The following GRIK4 variants were observed in gnomAD, a reference collection of about 807,000 sequenced individuals.
GRIK4 encodes the protein glutamate receptor ionotropic, kainate 4.
GRIK4 carries 40 observed loss-of-function variants against 104.9 expected under a neutral mutation model. The observed-to-expected ratio is 0.38, with a 90% CI of 0.30 to 0.50. GRIK4 has a LOEUF of 0.50. Ranked by LOEUF, GRIK4 falls within the 20% of genes least tolerant of loss-of-function variation. The probability of loss-of-function intolerance (pLI) is 0.93; values close to 1 mark genes in which losing one functional copy is unlikely to be tolerated. For synonymous variants in GRIK4, 485 were observed against 524.9 expected, an observed-to-expected ratio of 0.92 and a Z score of 1.04; for missense variants, 1,047 against 1,308.1, an observed-to-expected ratio of 0.80 and a Z score of 3.08.
Position 120,892,873 on chromosome 11 carries a change from C to A in GRIK4, c.1165-5659C>A, listed in dbSNP as rs979699092. Among the ~76,000 whole-genome samples the A allele has an allele frequency of 2.6e-5, 4 of 152,266 alleles. 1 individual carries two copies. The South Asian group carries it at 8.3e-4, about 32-fold the overall frequency. On this transcript the variant is annotated intron_variant, in intron 11 of 20. Transcript: ENST00000527524. Reference sequence around the variant, plus strand: ...TCCTTAAAATTCTTTCAAGCTTGGTCCCTGGCTGCTCTACCCAGGGGTCCT... The same window carrying A: ...TCCTTAAAATTCTTTCAAGCTTGGTACCTGGCTGCTCTACCCAGGGGTCCT...
At chr11:120,882,530 G>A (rs1170859311) in intron 11 of GRIK4, among the ~76,000 whole-genome samples, 3 of 152,182 alleles carry the variant, frequency 2.0e-5, no homozygotes, top group African/African-American at 7.2e-5. Context: ...ACTTCGAGAC[G>A]GCAGATCCGG....
At position 120,593,883 on chromosome 11, in the gene GRIK4, G is replaced by A. The variant is rs142260666; in HGVS notation, c.-158-59802G>A. Among the ~76,000 whole-genome samples the A allele has an allele frequency of 6.9e-3, 1,046 of 152,084 alleles. 15 individuals carry two copies. Among genetic ancestry groups the A allele is most frequent in the African/African-American group, 0.023 (963 of 41,472 alleles). On this transcript the variant is annotated intron_variant, in intron 1 of 20. Coordinates refer to ENST00000527524, the MANE Select transcript of GRIK4 (RefSeq NM_014619.5). ...AATGGGAGTCATTCCTGATCTCTCC[G>A]TTCTCTCACTCTCCACATCCCATAC...
intron 3 of GRIK4, among the ~76,000 whole-genome samples, chr11:120,797,184 G>A (rs1235758439): frequency 6.6e-6 from 1 of 152,162 alleles, no homozygotes; most frequent in Non-Finnish European, 1.5e-5. Flanking sequence ...CCGGGTCTCT[G>A]AACGCATCTC....
Position 120,520,264 on chromosome 11 carries a change from C to T in GRIK4, c.-159+8377C>T, listed in dbSNP as rs148651634. Among the ~76,000 whole-genome samples the T allele has an allele frequency of 2.0e-3, 299 of 152,308 alleles. 3 individuals carry two copies. Among genetic ancestry groups the T allele is most frequent in the African/African-American group, 6.8e-3 (284 of 41,570 alleles). ...GGAGGCCAATGCTCATTTCCAGAAC[C>T]GGCACCCTCAAGCCCCAGTCCCAGC... On this transcript the variant is annotated intron_variant, in intron 1 of 20. Transcript: ENST00000527524.
chr11:120,975,320 T>C (rs925429383), intron 19 of GRIK4, among the ~76,000 whole-genome samples: 1 of 152,200 alleles, frequency 6.6e-6, no homozygotes, highest in Non-Finnish European at 1.5e-5. Flanking sequence ...GTGGTTATCC[T>C]GGTTCTCTGG....
chr11:120,758,629 G>A (rs1951693062), intron 3 of GRIK4, among the ~76,000 whole-genome samples: 1 of 152,194 alleles, frequency 6.6e-6, no homozygotes. Flanking sequence ...TTATTTAGGT[G>A]TTACACCTGG....
At chr11:120,583,354 G>C (rs1183831059) in intron 1 of GRIK4, among the ~76,000 whole-genome samples, 1 of 152,104 alleles carries the variant, frequency 6.6e-6, no homozygotes, top group African/African-American at 2.4e-5. Flanking sequence ...TTTAGTTTAA[G>C]TAGTTTCCAT....
At chr11:120,796,582 G>A (rs1952522471) in intron 3 of GRIK4, among the ~76,000 whole-genome samples, 1 of 152,130 alleles carries the variant, frequency 6.6e-6, no homozygotes, top group Admixed American at 6.5e-5. Flanking sequence ...GCCTGAGGGA[G>A]AGAAGAGCCC....
chr11:120,879,924 C>T (rs1385476880), intron 11 of GRIK4, among the ~76,000 whole-genome samples: 1 of 152,202 alleles, frequency 6.6e-6, no homozygotes, highest in African/African-American at 2.4e-5. Flanking sequence ...TCATAAGGCC[C>T]TTAATATCCT....
chr11:120,890,503 A>G (rs1237603979), intron 11 of GRIK4, among the ~76,000 whole-genome samples: 1 of 152,214 alleles, frequency 6.6e-6, no homozygotes, highest in Non-Finnish European at 1.5e-5. Flanking sequence ...CCTTAAGGTC[A>G]AGACAAGATA....
At position 120,555,223 on chromosome 11, in the gene GRIK4, A is replaced by G. The variant is rs1270723073; in HGVS notation, c.-159+43336A>G. Among the ~76,000 whole-genome samples, 6 of 152,154 alleles carry G rather than the reference A, an allele frequency of 3.9e-5. No individual in the cohort carries two copies. Among genetic ancestry groups the G allele is most frequent in the African/African-American group, 7.2e-5 (3 of 41,422 alleles). On this transcript the variant is annotated intron_variant, in intron 1 of 20. Transcript: ENST00000527524. The surrounding 1 kb of genome is among the most constrained non-coding windows in gnomAD (Gnocchi z 5.3). ...GAGGCGGCATGCCCCAGAGAGCCCTATGCTTTTTGCTGGCTGTCCAAAAGC... is the reference window on the plus strand; with the variant it reads ...GAGGCGGCATGCCCCAGAGAGCCCTGTGCTTTTTGCTGGCTGTCCAAAAGC...
chr11:120,635,686 G>A (rs769980498), intron 1 of GRIK4, among the ~76,000 whole-genome samples: 4 of 152,252 alleles, frequency 2.6e-5, no homozygotes, highest in Non-Finnish European at 5.9e-5. Flanking sequence ...AGGTCACCAG[G>A]TGATTCAGGA....
intron 3 of GRIK4, among the ~76,000 whole-genome samples, chr11:120,764,169 G>C (rs1305012925): frequency 6.6e-6 from 1 of 152,132 alleles, no homozygotes; most frequent in Non-Finnish European, 1.5e-5. Flanking sequence ...AGCTCTTCTT[G>C]TTGCATTGAT....
chr11:120,748,381 T>G (rs1951484570), intron 3 of GRIK4, among the ~76,000 whole-genome samples: 1 of 151,996 alleles, frequency 6.6e-6, no homozygotes, highest in Middle Eastern at 3.2e-3. Context: ...CCTTGAAACC[T>G]CTCCTTGATG....
chr11:120,972,528 AAGAG>A (rs1944492131), intron 19 of GRIK4, among the ~76,000 whole-genome samples: 1 of 152,188 alleles, frequency 6.6e-6, no homozygotes, highest in African/African-American at 2.4e-5. Flanking sequence ...AGTGAAAAAA[AAGAG>A]AAAGAAATAG....
intron 3 of GRIK4, among the ~76,000 whole-genome samples, chr11:120,771,397 T>A (rs1951939799): frequency 6.6e-6 from 1 of 152,204 alleles, no homozygotes; most frequent in Non-Finnish European, 1.5e-5. Flanking sequence ...ATATAGAAGG[T>A]CTAACTTGTG....
chr11:120,525,683 T>C (rs561004543), intron 1 of GRIK4, among the ~76,000 whole-genome samples: 17 of 152,258 alleles, frequency 1.1e-4, no homozygotes, highest in African/African-American at 3.9e-4. Flanking sequence ...AAGCTGATGG[T>C]TCTCCTCTGA....
At chr11:120,741,275 CTTT>C (rs762543001) in intron 3 of GRIK4, among the ~76,000 whole-genome samples, 1 of 106,882 alleles carries the variant, frequency 9.4e-6, no homozygotes, top group Admixed American at 1.0e-4. Context: ...CGTGTGCTTT[CTTT>C]TTTTTTTTTT....
intron 13 of GRIK4, among the ~76,000 whole-genome samples, chr11:120,927,565 C>CAAAAAAAAAAAAA (rs56223442): frequency 2.0e-5 from 2 of 101,590 alleles, no homozygotes; most frequent in African/African-American, 3.9e-5. Context: ...GACTCTGTCT[C>CAAAAAAAAAAAAA]AAAAAAAAAA....
Sources: allele counts gnomAD v4.1 joint callset (sites outside exome capture counted in the v4.1 genomes callset), GRCh38; gene constraint gnomAD v4.1.1; non-coding constraint Gnocchi (gnomAD v3.1); transcripts MANE v1.5; gene names NCBI Gene and HGNC (gene_info 2026-07-23, HGNC 2026-07-21).